Variants in ANKRD13A observed in about 807,000 individuals in gnomAD.
ANKRD13A encodes the protein ankyrin repeat domain-containing protein 13A.
In ANKRD13A, 48 loss-of-function variants were observed where a neutral mutation model predicts 81.3. The observed-to-expected ratio is 0.59, with a 90% CI of 0.47 to 0.75. The LOEUF is 0.75. Among genes scored for constraint, ANKRD13A ranks in the 30% least tolerant of loss-of-function variants. The pLI, the probability that ANKRD13A is intolerant of heterozygous loss-of-function variation, is 0.00. For missense variants in ANKRD13A, 612 were observed against 734.0 expected, an observed-to-expected ratio of 0.83 and a Z score of 1.92; for synonymous variants, 230 against 270.1, an observed-to-expected ratio of 0.85 and a Z score of 1.45.
At chr12:110,017,305 T>C (rs1890848088) in intron 4 of ANKRD13A, among the ~76,000 whole-genome samples, 1 of 152,270 alleles carries the variant, frequency 6.6e-6, no homozygotes, top group Non-Finnish European at 1.5e-5. Context: ...TTTAAACTTG[T>C]TATTCTAAAC....
At chr12:110,026,489 A>C (rs556167321) in intron 8 of ANKRD13A, among the ~76,000 whole-genome samples, 1 of 151,934 alleles carries the variant, frequency 6.6e-6, no homozygotes, top group African/African-American at 2.4e-5. Context: ...AGGCAGGAGA[A>C]TCACTTGAAC....
In ANKRD13A at chr12:109,999,545, C is replaced by CCCGACCGGCTCAG. The variant is rs1195075823; in HGVS notation, c.-140_-128dup. On this transcript the variant is annotated 5_prime_UTR_variant, in exon 1 of 15. Coordinates refer to ENST00000261739, the MANE Select transcript of ANKRD13A (RefSeq NM_033121.2). This position sits in a 1 kb window ranked among gnomAD's most constrained non-coding sequence, Gnocchi z 4.3. The stretch of plus-strand genomic sequence containing the variant: ...CCCCGGACCTCCCGCGCGCCCCGCA[C>CCCGACCGGCTCAG]CCGACCGGCTCAGCCGGCCGGCAGC... 35 of 531,894 alleles carry CCCGACCGGCTCAG rather than the reference C, an allele frequency of 6.6e-5. No individual in the cohort carries two copies. The highest frequency in any genetic ancestry group is 6.2e-4 in the African/African-American group (31 of 49,946). The allele number at this position is 531,894 out of a possible 1,614,324, so 32.9% of individuals were successfully genotyped here. A position where few individuals can be genotyped will look rare whatever the true frequency, so the allele number is the denominator to read the frequency against.
chr12:110,000,799 C>G (rs1458199105), intron 1 of ANKRD13A, among the ~76,000 whole-genome samples: 1 of 148,776 alleles, frequency 6.7e-6, no homozygotes, highest in African/African-American at 2.5e-5. Context: ...CTCTTGTTGC[C>G]CGGGCTGGAG....
intron 12 of ANKRD13A, chr12:110,032,823 A>G (rs1891772857): frequency 6.6e-6 from 1 of 152,236 alleles, no homozygotes; most frequent in Non-Finnish European, 1.5e-5. Context: ...ATAATGTTGA[A>G]TGAAGAAAAT....
At chr12:110,025,423 G>C (rs893312595) in intron 7 of ANKRD13A, among the ~76,000 whole-genome samples, 19 of 150,778 alleles carry the variant, frequency 1.3e-4, no homozygotes, top group African/African-American at 4.4e-4. Context: ...TAGTTTAATA[G>C]AAACCCAGGT....
At chr12:110,029,365 G>A (rs1240291204) in intron 10 of ANKRD13A, 113 bp from the exon 11 acceptor site, 1 of 1,143,366 alleles carries the variant, frequency 8.7e-7, no homozygotes, top group African/African-American at 1.5e-5. Context: ...ATTAAGAGAT[G>A]ACTGGGCAGA....
intron 8 of ANKRD13A, among the ~76,000 whole-genome samples, chr12:110,026,519 G>C (rs2098030010): frequency 6.6e-6 from 1 of 151,150 alleles, no homozygotes; most frequent in Non-Finnish European, 1.5e-5. Flanking sequence ...GGAGGTTTTG[G>C]TGAGCTGAGA....
chr12:110,006,520 G>A (rs756264438), intron 1 of ANKRD13A, among the ~76,000 whole-genome samples: 1 of 152,056 alleles, frequency 6.6e-6, no homozygotes, highest in East Asian at 1.9e-4. Context: ...TTGTTGAGTT[G>A]TAAAGGTTCT....
chr12:110,001,571 C>G (rs1230931331), intron 1 of ANKRD13A, among the ~76,000 whole-genome samples: 1 of 151,876 alleles, frequency 6.6e-6, no homozygotes, highest in African/African-American at 2.4e-5. Context: ...TCCTCAGTAG[C>G]TGGGATTACA....
intron 10 of ANKRD13A, 127 bp from the exon 11 acceptor site, chr12:110,029,351 C>CT (rs1891543931): frequency 9.6e-7 from 1 of 1,039,194 alleles, no homozygotes; most frequent in African/African-American, 1.6e-5. Context: ...TTTAATAGGT[C>CT]TGAATTAAGA....
At chr12:110,011,871 C>A in intron 1 of ANKRD13A, 134 bp from the exon 2 acceptor site, 1 of 792,844 alleles carries the variant, frequency 1.3e-6, no homozygotes, top group Non-Finnish European at 1.9e-6. Context: ...TGCAAACATA[C>A]CTTCTTACAT....
chr12:110,025,826 A>C lies in ANKRD13A; in HGVS notation c.883+3A>C, dbSNP rs755127508. ...GGAGGAAAAAAAGAGATATAAAGGT[A>C]ATCACCACCACCCTCCCACCTCCTG... is the stretch of plus-strand genomic sequence containing the variant. On this transcript the variant is annotated splice_donor_region_variant and intron_variant, in intron 8 of 14. Coordinates refer to ENST00000261739, the MANE Select transcript of ANKRD13A (RefSeq NM_033121.2). The C allele has an allele frequency of 9.9e-6, 16 of 1,612,006 alleles. No homozygotes were observed. The highest frequency in any genetic ancestry group is 1.2e-5 in the Non-Finnish European group (14 of 1,178,418).
At chr12:110,026,112 C>G (rs1012317444) in intron 8 of ANKRD13A, among the ~76,000 whole-genome samples, 3 of 151,920 alleles carry the variant, frequency 2.0e-5, no homozygotes, top group Non-Finnish European at 4.4e-5. Flanking sequence ...CAAGCACCCA[C>G]CACCACGCCC....
chr12:110,021,032 G>A (rs575059632), intron 6 of ANKRD13A: 1 of 417,294 alleles, frequency 2.4e-6, no homozygotes, highest in African/African-American at 2.0e-5. Context: ...TTACCCCACT[G>A]AGTATAAATG....
At chr12:110,016,758 T>A (rs1890824568) in intron 4 of ANKRD13A, among the ~76,000 whole-genome samples, 1 of 152,022 alleles carries the variant, frequency 6.6e-6, no homozygotes, top group Non-Finnish European at 1.5e-5. Context: ...ACTTTATTTT[T>A]ATTTTTTATT....
At position 110,036,017 on chromosome 12, in the gene ANKRD13A, A is replaced by G. The variant is rs921101089; in HGVS notation, c.1510-244A>G. The stretch of plus-strand genomic sequence containing the variant: ...CTTCCACGTGGGTTAGCTGTATTTA[A>G]GAGACTGATTTTGTACAAAGGATGA... On this transcript the variant is annotated intron_variant, in intron 13 of 14. Transcript: ENST00000261739. This position sits in a 1 kb window ranked among gnomAD's most constrained non-coding sequence, Gnocchi z 4.6. Among the ~76,000 whole-genome samples the G allele has an allele frequency of 6.6e-6, 1 of 152,170 alleles. No individual in the cohort carries two copies. The highest frequency in any genetic ancestry group is 6.5e-5 in the Admixed American group (1 of 15,270).
intron 8 of ANKRD13A, chr12:110,026,981 G>C (rs1277124960): frequency 6.6e-6 from 1 of 152,186 alleles, no homozygotes; most frequent in African/African-American, 2.4e-5. Context: ...ATTCGTGAGG[G>C]CTTGTTTATG....
Position 110,024,576 on chromosome 12 carries a change from G to A in ANKRD13A, c.801+464G>A, listed in dbSNP as rs141807942. Among the ~76,000 whole-genome samples, 1,037 of 152,268 alleles carry A rather than the reference G, an allele frequency of 6.8e-3. 1 individual carries two copies. Among genetic ancestry groups the A allele is most frequent in the Non-Finnish European group, 9.4e-3 (641 of 67,996 alleles). ...AAAACATAGTTGTAATAGTGGAGAC[G>A]ATTGTTGATCCAGTCATCTGGCATT... On this transcript the variant is annotated intron_variant, in intron 7 of 14. Transcript: ENST00000261739.
intron 13 of ANKRD13A, among the ~76,000 whole-genome samples, chr12:110,035,424 G>A (rs1473140102): frequency 1.3e-5 from 2 of 151,816 alleles, no homozygotes; most frequent in African/African-American, 2.4e-5. Flanking sequence ...GGGCAACATA[G>A]TGAGATCCTA....
Sources: allele counts gnomAD v4.1 joint callset (sites outside exome capture counted in the v4.1 genomes callset), GRCh38; gene constraint gnomAD v4.1.1; non-coding constraint Gnocchi (gnomAD v3.1); transcripts MANE v1.5; gene names NCBI Gene and HGNC (gene_info 2026-07-23, HGNC 2026-07-21).